Variants in CHEK1 observed in about 807,000 individuals in gnomAD.
The protein encoded by CHEK1 is checkpoint kinase 1, also known as serine/threonine-protein kinase Chk1.
A neutral mutation model predicts 60.2 loss-of-function variants in CHEK1; 32 were observed. That is an observed-to-expected ratio of 0.53 (90% CI 0.40 to 0.71). The LOEUF is 0.71. CHEK1 is among the 30% of genes least tolerant of loss of function. CHEK1 has a pLI of 0.00. For synonymous variants in CHEK1, 179 were observed against 187.2 expected, an observed-to-expected ratio of 0.96 and a Z score of 0.36; for missense variants, 399 against 564.6, an observed-to-expected ratio of 0.71 and a Z score of 2.97.
At chr11:125,660,313 TGCTTATA>T (rs1396277991), downstream of CHEK1, among the ~76,000 whole-genome samples, 4 of 152,360 alleles carry the variant, frequency 2.6e-5, no homozygotes, top group African/African-American at 9.6e-5. Flanking sequence ...ATATCTTTAC[TGCTTATA>T]CAGTGAATTA....
At chr11:125,662,203 G>A (rs1226484296) in intron 13 of CHEK1, among the ~76,000 whole-genome samples, 1 of 152,192 alleles carries the variant, frequency 6.6e-6, no homozygotes, top group African/African-American at 2.4e-5. Context: ...CTGGAGTCTG[G>A]GAAGTCCGAG....
chr11:125,643,993 C>A, intron 9 of CHEK1, 93 bp downstream of exon 9: 2 of 1,523,570 alleles, frequency 1.3e-6, no homozygotes, highest in Non-Finnish European at 1.8e-6. Context: ...TCGACATTAA[C>A]ATAATACTGT....
At chr11:125,658,353 G>C (rs1320681190), downstream of CHEK1, among the ~76,000 whole-genome samples, 1 of 152,144 alleles carries the variant, frequency 6.6e-6, no homozygotes, top group Admixed American at 6.6e-5. Context: ...TTGTTCCTAA[G>C]TTTAAATGAG....
In CHEK1 at chr11:125,653,994, A is replaced by T; in HGVS notation, c.1335+147A>T. 2.0e-6 allele frequency: 1 copy of T among 507,768 alleles called. No homozygotes were observed. Among genetic ancestry groups the T allele is most frequent in the Non-Finnish European group, 3.4e-6 (1 of 293,332 alleles). 31.5% of individuals were successfully genotyped at this position (507,768 alleles called of 1,614,324 possible). A position where few individuals can be genotyped will look rare whatever the true frequency, so the allele number is the denominator to read the frequency against. On this transcript the variant is annotated intron_variant, in intron 12 of 12. Coordinates refer to ENST00000438015, the MANE Select transcript of CHEK1 (RefSeq NM_001114122.3). The surrounding 1 kb of genome is among the most constrained non-coding windows in gnomAD (Gnocchi z 4.3). ...TTATGAGCATGTGTTTTCGTTATCT[A>T]TTTTTCCCGAACATTGTTTTTTTCA... is the stretch of plus-strand genomic sequence containing the variant.
At chr11:125,657,611 A>G (rs567276811), downstream of CHEK1, among the ~76,000 whole-genome samples, 3 of 152,266 alleles carry the variant, frequency 2.0e-5, no homozygotes, top group Admixed American at 1.3e-4. Context: ...AACTTTATAT[A>G]CATTTTGCTG....
In CHEK1 at chr11:125,633,230, G is replaced by T. The variant is rs771372037; in HGVS notation, c.492G>T (p.Leu164Phe). 6.2e-7 allele frequency: 1 copy of T among 1,606,148 alleles called. No individual in the cohort carries two copies. Among genetic ancestry groups the T allele is most frequent in the South Asian group, 1.1e-5 (1 of 89,012 alleles). ...GGTATAATAATCGTGAGCGTTTGTT[G>T]AACAAGATGTGTGGTACTTTACCAT... Reference protein sequence around the residue: ...VFRYNNRERLLNKMCGTLPYV... With the variant: ...VFRYNNRERLFNKMCGTLPYV... Residue 164 changes from leucine (L) to phenylalanine (F), a missense_variant, in exon 6 of 13, where the codon TTG becomes TTT. Transcript: ENST00000438015.
downstream of CHEK1, chr11:125,680,801 G>A: frequency 1.9e-6 from 3 of 1,610,838 alleles, no homozygotes; most frequent in Non-Finnish European, 2.5e-6. Context: ...GAAAAGAGGG[G>A]ACCCCAGTGT....
At chr11:125,640,907 G>A (rs1353388598) in intron 8 of CHEK1, among the ~76,000 whole-genome samples, 2 of 152,092 alleles carry the variant, frequency 1.3e-5, no homozygotes, top group Admixed American at 6.5e-5. Flanking sequence ...GGGATTATAG[G>A]CATGAGCCAC....
chr11:125,635,541 A>T lies in CHEK1; in HGVS notation c.718+8A>T. Reference sequence around the variant, plus strand: ...TCGATTCTGCTCCTCTAGGTAACTGAATTATCTTGAGTGAAAGAGTACCGA... The same window carrying T: ...TCGATTCTGCTCCTCTAGGTAACTGTATTATCTTGAGTGAAAGAGTACCGA... On this transcript the variant is annotated splice_region_variant and intron_variant, in intron 7 of 12. Transcript: ENST00000438015. The T allele has an allele frequency of 6.5e-7, 1 of 1,548,300 alleles. No individual in the cohort carries two copies. The highest frequency in any genetic ancestry group is 1.7e-4 in the Middle Eastern group (1 of 5,856).
At chr11:125,664,525 A>G (rs1464215261) in intron 13 of CHEK1, among the ~76,000 whole-genome samples, 8 of 152,060 alleles carry the variant, frequency 5.3e-5, no homozygotes, top group Admixed American at 5.2e-4. Context: ...GTGAGCCACC[A>G]TGCCTGGCCG....
chr11:125,678,978 T>TATATATATATATATATATATATATATATA (rs1555078666), downstream of CHEK1, among the ~76,000 whole-genome samples: 3 of 88,436 alleles, frequency 3.4e-5, no homozygotes, highest in African/African-American at 8.7e-5. Flanking sequence ...TCTAGGCATA[T>TATATATATATATATATATATATATATATA]TATATATATA....
chr11:125,671,829 G>A (rs946088100), intron 13 of CHEK1: 1 of 152,204 alleles, frequency 6.6e-6, no homozygotes, highest in Non-Finnish European at 1.5e-5. Context: ...CTGAGGATCA[G>A]ATGAGACCGT....
intron 13 of CHEK1, among the ~76,000 whole-genome samples, chr11:125,668,092 A>G (rs995255357): frequency 3.9e-5 from 6 of 152,196 alleles, no homozygotes; most frequent in African/African-American, 1.4e-4. Flanking sequence ...GGTTTAGTTA[A>G]CAGAAATGAG....
At chr11:125,678,024 G>T, downstream of CHEK1, 1 of 1,614,152 alleles carries the variant, frequency 6.2e-7, no homozygotes, top group Non-Finnish European at 8.5e-7. Flanking sequence ...CTCACCTACA[G>T]TATGCTCACC....
chr11:125,665,870 T>C (rs3016782), intron 13 of CHEK1, among the ~76,000 whole-genome samples: 8 of 30,442 alleles, frequency 2.6e-4, no homozygotes, highest in East Asian at 2.0e-3. Flanking sequence ...TTCATTCCCC[T>C]TTTTTTTTTT....
intron 9 of CHEK1, 64 bp from the exon 10 acceptor site, chr11:125,644,022 GTGATA>G (rs747160796): frequency 2.6e-6 from 4 of 1,555,320 alleles, no homozygotes; most frequent in Non-Finnish European, 3.5e-6. Context: ...GAACTTGTGT[GTGATA>G]TAAGAAAGGC....
intron 8 of CHEK1, among the ~76,000 whole-genome samples, chr11:125,641,033 C>T (rs79019992): frequency 0.076 from 11,613 of 152,184 alleles, 524 homozygotes; most frequent in African/African-American, 0.12. Context: ...AGTGTATTCA[C>T]GTTCCATGTG....
rs202139080 is a variant in CHEK1 at position 125,644,315 on chromosome 11, T to G, written c.1101+47T>G. 1.7e-5 allele frequency: 27 copies of G among 1,556,496 alleles called. No individual in the cohort carries two copies. The East Asian group carries it at 5.8e-4, about 34-fold the overall frequency. ...AAAGTAATGGCAGCTCTTTATTTTTTATTGTCTTAAAGTCCTTTTTTAATG... is the reference window on the plus strand; with the variant it reads ...AAAGTAATGGCAGCTCTTTATTTTTGATTGTCTTAAAGTCCTTTTTTAATG... On this transcript the variant is annotated intron_variant, in intron 10 of 12. Transcript: ENST00000438015.
chr11:125,675,775 G>A (rs1165298576), intron 13 of CHEK1, among the ~76,000 whole-genome samples: 1 of 152,060 alleles, frequency 6.6e-6, no homozygotes, highest in East Asian at 1.9e-4. Flanking sequence ...ATGGCTCATG[G>A]GGCAATCAAC....
Sources: allele counts gnomAD v4.1 joint callset (sites outside exome capture counted in the v4.1 genomes callset), GRCh38; gene constraint gnomAD v4.1.1; non-coding constraint Gnocchi (gnomAD v3.1); transcripts MANE v1.5; gene names NCBI Gene and HGNC (gene_info 2026-07-23, HGNC 2026-07-21).